The following TMEM200C variants were observed in gnomAD, a reference collection of about 807,000 sequenced individuals.
TMEM200C encodes the protein transmembrane protein TTMA.
For missense variants in TMEM200C, 966 were observed against 699.9 expected, an observed-to-expected ratio of 1.38 and a Z score of -4.29; for synonymous variants, 462 against 324.7, an observed-to-expected ratio of 1.42 and a Z score of -4.55.
intron 2 of TMEM200C, among the ~76,000 whole-genome samples, chr18:5,894,145 T>C (rs1248871357): frequency 1.3e-5 from 2 of 152,102 alleles, no homozygotes; most frequent in East Asian, 1.9e-4. Flanking sequence ...ACATGTTTTG[T>C]TGGGCATTGA....
chr18:5,891,810 C>T lies in TMEM200C; in HGVS notation c.254G>A (p.Gly85Glu), dbSNP rs769565228. 2 of 1,604,714 alleles carry T rather than the reference C, an allele frequency of 1.2e-6. No individual in the cohort carries two copies. Among genetic ancestry groups the T allele is most frequent in the Non-Finnish European group, 1.7e-6 (2 of 1,177,114 alleles). Residue 85 changes from glycine to glutamate, a missense_variant, in exon 3 of 3, where the codon GGG becomes GAG. Physicochemically the swap from Gly to Glu is moderately conservative, Grantham distance 98 (BLOSUM62 -2). Coordinates refer to ENST00000581347, the Ensembl canonical transcript of TMEM200C. This position sits in a 1 kb window ranked among gnomAD's most constrained non-coding sequence, Gnocchi z 4.7. The stretch of plus-strand genomic sequence containing the variant: ...GCCCGCAGGCGGCAGCTGCTTACCC[C>T]CCTCCCGATTGGTCCCGGTGGCCTT...
chr18:5,892,548 C>G lies in TMEM200C; in HGVS notation c.-94-391G>C, dbSNP rs188626223. Among the ~76,000 whole-genome samples, 5 of 152,244 alleles carry G rather than the reference C, an allele frequency of 3.3e-5. No homozygotes were observed. The East Asian group carries it at 9.7e-4, about 29-fold the overall frequency. Reference sequence around the variant, plus strand: ...ACTCAAAGTAGTGGTTAAGGACCTCCCTGTCAAGATTCTTTCCCTCAGTCC... The same window carrying G: ...ACTCAAAGTAGTGGTTAAGGACCTCGCTGTCAAGATTCTTTCCCTCAGTCC... On this transcript the variant is annotated intron_variant, in intron 2 of 2. Coordinates refer to ENST00000581347, the Ensembl canonical transcript of TMEM200C.
exon 3 of TMEM200C, chr18:5,883,671 AAT>A (rs1417269220): frequency 1.3e-5 from 2 of 152,158 alleles, no homozygotes; most frequent in African/African-American, 4.8e-5. Flanking sequence ...AATCTGTAGA[AAT>A]ATATTCAGTT....
chr18:5,893,579 C>A (rs1235399193), intron 2 of TMEM200C, among the ~76,000 whole-genome samples: 1 of 152,182 alleles, frequency 6.6e-6, no homozygotes, highest in Non-Finnish European at 1.5e-5. Context: ...CACGCCCAAG[C>A]CTTTTGCTCT....
At chr18:5,890,419 A>G (rs775270343) in exon 3 of TMEM200C, 13 of 1,570,304 alleles carry the variant, frequency 8.3e-6, no homozygotes, top group Admixed American at 1.8e-5. Flanking sequence ...TCCAAGACCG[A>G]CTCGGTGGAG....
chr18:5,890,791 G>T (rs952630759), exon 3 of TMEM200C: 3 of 652,468 alleles, frequency 4.6e-6, no homozygotes, highest in Admixed American at 2.3e-5. Flanking sequence ...GCGCCGCGGA[G>T]GTTGGTCATG....
At position 5,890,446 on chromosome 18, in the gene TMEM200C, G is replaced by A. The variant is rs750474772; in HGVS notation, c.1618C>T (p.Leu540=). ...TCGGTGGAGGTGCCGGCCTCCCGCA[G>A]GGGTGTGTAGCCCTTATTGCTGCTG... Residue 540 remains leucine (L), a synonymous_variant, in exon 3 of 3, where the codon CTG becomes TTG. Coordinates refer to ENST00000581347, the Ensembl canonical transcript of TMEM200C. 5.7e-6 allele frequency: 9 copies of A among 1,578,590 alleles called. No individual in the cohort carries two copies. The East Asian group carries it at 1.1e-4, about 20-fold the overall frequency.
At position 5,882,461 on chromosome 18, in the gene TMEM200C, T is replaced by C. The variant is rs556406390; in HGVS notation, c.*7737A>G. On this transcript the variant is annotated 3_prime_UTR_variant, in exon 3 of 3. Transcript: ENST00000581347. The stretch of plus-strand genomic sequence containing the variant: ...TGGAAAGCATTCACCAGCATCTCTC[T>C]GACTTAGTCAGAATATCCTACATGA... 3.9e-5 allele frequency: 6 copies of C among 152,312 alleles called. No homozygotes were observed. In the South Asian group the frequency reaches 1.2e-3, roughly 32 times the overall value. The allele number at this position is 152,312 out of a possible 1,614,324, so 9.4% of individuals were successfully genotyped here.
rs1167769751 is a variant in TMEM200C, at chr18:5,895,681, C to A, written c.-546+174G>T. Among the ~76,000 whole-genome samples the A allele has an allele frequency of 2.7e-5, 4 of 149,982 alleles. No individual in the cohort carries two copies. In the South Asian group the frequency reaches 6.2e-4, roughly 23 times the overall value. On this transcript the variant is annotated intron_variant, in intron 1 of 2. Coordinates refer to ENST00000581347, the Ensembl canonical transcript of TMEM200C. ...GCCCGTCCCTTCGGAAGCGCCGATT[C>A]CTCGGGGAGGAGGAGGCGTGAGGGG...
chr18:5,890,036 G>C (rs1220007501), exon 3 of TMEM200C: 1 of 590,388 alleles, frequency 1.7e-6, no homozygotes, highest in Non-Finnish European at 2.6e-6. Context: ...TTATCTACAG[G>C]AATCTTGTGG....
chr18:5,890,940 G>T lies in TMEM200C; in HGVS notation c.1124C>A (p.Ser375Ter), dbSNP rs1206171043. 1.5e-6 allele frequency: 1 copy of T among 673,574 alleles called. No homozygotes were observed. The highest frequency in any genetic ancestry group is 2.7e-6 in the Non-Finnish European group (1 of 371,796). The allele number at this position is 673,574 out of a possible 1,614,324, so 41.7% of individuals were successfully genotyped here. ...GGGCAGCAGCGCGAAGGCGCTCAGC[G>T]AGGAGTCCACGAAGGAGCTGGCCGT... is the stretch of plus-strand genomic sequence containing the variant. The change falls in exon 3 of 3, where the codon TCG becomes TAG. Residue 375 changes from serine to a stop codon, truncating the protein, a stop_gained. Transcript: ENST00000581347. LOFTEE classifies it low-confidence loss of function (END_TRUNC).
Position 5,891,776 on chromosome 18 carries a change from G to A in TMEM200C, c.288C>T (p.His96=), listed in dbSNP as rs778772738. The change falls in exon 3 of 3, where the codon CAC becomes CAT. Residue 96 remains histidine, a synonymous_variant. Coordinates refer to ENST00000581347, the Ensembl canonical transcript of TMEM200C. The surrounding 1 kb of genome is among the most constrained non-coding windows in gnomAD (Gnocchi z 4.7). ...TGCTGTTGGCCGTGGTTGGGACCCG[G>A]TGGCTGCTGCCCGCAGGCGGCAGCT... The A allele has an allele frequency of 3.7e-6, 6 of 1,608,858 alleles. No individual in the cohort carries two copies. In the African/African-American group the frequency reaches 4.0e-5, roughly 11 times the overall value.
exon 3 of TMEM200C, chr18:5,888,138 T>C (rs1251326040): frequency 6.6e-6 from 1 of 152,182 alleles, no homozygotes; most frequent in African/African-American, 2.4e-5. Context: ...GTATATAAAT[T>C]ACCCAGTACC....
exon 2 of TMEM200C, chr18:5,895,181 G>A (rs1424645360): frequency 1.3e-5 from 2 of 151,970 alleles, no homozygotes; most frequent in African/African-American, 2.4e-5. Flanking sequence ...AGCCCCGCGG[G>A]GGCGAGCGCC....
intron 2 of TMEM200C, among the ~76,000 whole-genome samples, chr18:5,893,983 T>C (rs62076823): frequency 0.041 from 6,243 of 152,348 alleles, 200 homozygotes; most frequent in Non-Finnish European, 0.063. Flanking sequence ...GGTTGTAACA[T>C]AGAGACTGTT....
chr18:5,890,150 G>C lies in TMEM200C; in HGVS notation c.*48C>G, dbSNP rs774029637. 5 of 1,480,688 alleles carry C rather than the reference G, an allele frequency of 3.4e-6. No homozygotes were observed. The African/African-American group carries it at 4.2e-5, about 12-fold the overall frequency. The allele number at this position is 1,480,688 out of a possible 1,614,324, so 91.7% of individuals were successfully genotyped here. A position where few individuals can be genotyped will look rare whatever the true frequency, so the allele number is the denominator to read the frequency against. ...ACCTGTTAATGCACTGATTCAAGTG[G>C]GCGTTTCTCCCATTTTCTCTTTCCT... On this transcript the variant is annotated 3_prime_UTR_variant, in exon 3 of 3. Transcript: ENST00000581347.
intron 2 of TMEM200C, among the ~76,000 whole-genome samples, chr18:5,893,199 A>T (rs2095172904): frequency 6.6e-6 from 1 of 152,188 alleles, no homozygotes; most frequent in Non-Finnish European, 1.5e-5. Context: ...GAGTCCCAGT[A>T]TTCAAATGAG....
In TMEM200C at chr18:5,885,077, G is replaced by T. The variant is rs538085834; in HGVS notation, c.*5121C>A. ...TATTTGCTAAGGAATAAAAGTTATT[G>T]CAATTTTTAAGACACTTTACATACA... On this transcript the variant is annotated 3_prime_UTR_variant, in exon 3 of 3. Transcript: ENST00000581347. 200 of 152,254 alleles carry T rather than the reference G, an allele frequency of 1.3e-3. 1 individual carries two copies. The highest frequency in any genetic ancestry group is 3.9e-3 in the African/African-American group (161 of 41,564). 9.4% of individuals were successfully genotyped at this position (152,254 alleles called of 1,614,324 possible). A position where few individuals can be genotyped will look rare whatever the true frequency, so the allele number is the denominator to read the frequency against.
In TMEM200C at chr18:5,891,267, C is replaced by T; in HGVS notation, c.797G>A (p.Cys266Tyr). The stretch of plus-strand genomic sequence containing the variant: ...TCCGAAGGCGTCCCCGGAGCCACCG[C>T]AGCCCCCGGGCTTCAGCTCCAGGCC... Residue 266 changes from cysteine (C) to tyrosine (Y), a missense_variant, in exon 3 of 3, where the codon TGC becomes TAC. Coordinates refer to ENST00000581347, the Ensembl canonical transcript of TMEM200C. The surrounding 1 kb of genome is among the most constrained non-coding windows in gnomAD (Gnocchi z 4.7). 2 of 1,406,078 alleles carry T rather than the reference C, an allele frequency of 1.4e-6. No homozygotes were observed. Among genetic ancestry groups the T allele is most frequent in the South Asian group, 1.5e-5 (1 of 67,304 alleles). The allele number at this position is 1,406,078 out of a possible 1,614,324, so 87.1% of individuals were successfully genotyped here. A position where few individuals can be genotyped will look rare whatever the true frequency, so the allele number is the denominator to read the frequency against.
Sources: gnomAD v4.1 joint callset for allele counts (sites outside exome capture counted in the v4.1 genomes callset) on GRCh38, gnomAD v4.1.1 for gene constraint, Gnocchi (gnomAD v3.1) non-coding constraint, MANE v1.5 for transcripts, NCBI Gene and HGNC (gene_info 2026-07-23, HGNC 2026-07-21) for gene names.